The following TAAR1 variants were observed in gnomAD, a reference collection of about 807,000 sequenced individuals.
TAAR1 encodes trace amine-associated receptor 1.
In TAAR1, 1 loss-of-function variant was observed where a neutral mutation model predicts 1.2. That is an observed-to-expected ratio of 0.81 (90% CI 0.29 to 3.86). The LOEUF is 3.86. Ranked by LOEUF, TAAR1 falls within the 30% of genes most tolerant of loss-of-function variation. TAAR1 has a pLI of 0.18. For synonymous variants in TAAR1, 153 were observed against 132.2 expected (o/e 1.16, Z -1.08); for missense variants, 445 against 405.6 (o/e 1.10, Z -0.83).
At chr6:132,658,220 G>A (rs1164434964) in intron 1 of TAAR1, among the ~76,000 whole-genome samples, 1 of 152,018 alleles carries the variant, frequency 6.6e-6, no homozygotes, top group African/African-American at 2.4e-5. Flanking sequence ...AAGAGACCAG[G>A]GTGAGGGGAA....
chr6:132,650,724 T>A (rs1183246732), intron 1 of TAAR1, among the ~76,000 whole-genome samples: 1 of 152,162 alleles, frequency 6.6e-6, no homozygotes, highest in Non-Finnish European at 1.5e-5. Context: ...ATGGACTCTC[T>A]CCCATCACAG....
At chr6:132,654,830 A>G (rs1777785826) in intron 1 of TAAR1, among the ~76,000 whole-genome samples, 1 of 152,208 alleles carries the variant, frequency 6.6e-6, no homozygotes, top group Non-Finnish European at 1.5e-5. Context: ...TTAAGCATCG[A>G]ATTCACTTTA....
chr6:132,648,646 T>G (rs1473972721), intron 1 of TAAR1, among the ~76,000 whole-genome samples: 2 of 152,218 alleles, frequency 1.3e-5, no homozygotes, highest in African/African-American at 4.8e-5. Flanking sequence ...TTAAACATCA[T>G]TGTATGAGTG....
At position 132,644,921 on chromosome 6, in the gene TAAR1, C is replaced by T. The variant is rs1216189964; in HGVS notation, c.*63G>A. The stretch of plus-strand genomic sequence containing the variant: ...ATCCATGTGGTTGGTGCATGTGGTT[C>T]GTTATGTTGTGTTCATAAATATGAT... On this transcript the variant is annotated 3_prime_UTR_variant, in exon 2 of 2. Transcript: ENST00000275216. 3 of 1,339,354 alleles carry T rather than the reference C, an allele frequency of 2.2e-6. No individual in the cohort carries two copies. The highest frequency in any genetic ancestry group is 1.6e-5 in the South Asian group (1 of 62,082). The allele number at this position is 1,339,354 out of a possible 1,614,324, so 83.0% of individuals were successfully genotyped here. A position where few individuals can be genotyped will look rare whatever the true frequency, so the allele number is the denominator to read the frequency against.
intron 1 of TAAR1, among the ~76,000 whole-genome samples, chr6:132,654,374 A>G (rs998101191): frequency 3.9e-5 from 6 of 152,178 alleles, no homozygotes; most frequent in Non-Finnish European, 7.3e-5. Flanking sequence ...GTTCTTATTT[A>G]ATTTAAGACA....
At position 132,645,097 on chromosome 6, in the gene TAAR1, C is replaced by A; in HGVS notation, c.907G>T (p.Val303Phe). Reference protein sequence around the residue: ...GYLNSTFNPMVYAFFYPWFRK... With the variant: ...GYLNSTFNPMFYAFFYPWFRK... The stretch of plus-strand genomic sequence containing the variant: ...AACCAAGGATAGAAAAATGCATAAA[C>A]CATTGGATTAAATGTAGAGTTCAAG... The change falls in exon 2 of 2, where the codon GTT becomes TTT. Residue 303 changes from valine (V) to phenylalanine (F), a missense_variant. Physicochemically the swap from Val to Phe is conservative, Grantham distance 50. Transcript: ENST00000275216. The A allele has an allele frequency of 6.2e-6, 10 of 1,612,616 alleles. No homozygotes were observed. Among genetic ancestry groups the A allele is most frequent in the Non-Finnish European group, 8.5e-6 (10 of 1,179,460 alleles).
At chr6:132,650,574 C>A (rs1188760855) in intron 1 of TAAR1, among the ~76,000 whole-genome samples, 1 of 152,176 alleles carries the variant, frequency 6.6e-6, no homozygotes, top group African/African-American at 2.4e-5. Flanking sequence ...TTATTCACAT[C>A]CTTACTCTCA....
intron 1 of TAAR1, among the ~76,000 whole-genome samples, chr6:132,657,167 G>A (rs1777812899): frequency 6.6e-6 from 1 of 152,066 alleles, no homozygotes; most frequent in Non-Finnish European, 1.5e-5. Flanking sequence ...ATAACACCTA[G>A]TTGTTATCAG....
chr6:132,656,690 T>A (rs1004082047), intron 1 of TAAR1, among the ~76,000 whole-genome samples: 2 of 152,156 alleles, frequency 1.3e-5, no homozygotes, highest in Non-Finnish European at 1.5e-5. Flanking sequence ...AAAGATTGTA[T>A]AAGCACCCAA....
Position 132,645,909 on chromosome 6 carries a change from A to G in TAAR1, c.95T>C (p.Leu32Pro). 6.2e-7 allele frequency: 1 copy of G among 1,613,846 alleles called. No individual in the cohort carries two copies. Among genetic ancestry groups the G allele is most frequent in the African/African-American group, 1.3e-5 (1 of 75,014 alleles). The change falls in exon 2 of 2, where the codon CTC (leucine) becomes CCC (proline). Residue 32 changes from leucine to proline, a missense_variant. Coordinates refer to ENST00000275216, the MANE Select transcript of TAAR1 (RefSeq NM_138327.4). ...VRASLYSLMV[L>P]IILTTLVGNL... ...GCCAACGAGTGTGGTCAGAATTATG[A>G]GCACCATTAAACTGTACAGGGAAGC...
intron 1 of TAAR1, among the ~76,000 whole-genome samples, chr6:132,654,994 C>T (rs1359634247): frequency 6.6e-6 from 1 of 152,190 alleles, no homozygotes; most frequent in African/African-American, 2.4e-5. Flanking sequence ...TTCCTCCTGA[C>T]ATCCTCTGAC....
Position 132,656,689 on chromosome 6 carries a change from A to C in TAAR1, c.-127+2441T>G, listed in dbSNP as rs563029388. ...TCTGAGTATCAAGGAAAAAGATTGT[A>C]TAAGCACCCAAATAGAAAGAACTGG... On this transcript the variant is annotated intron_variant, in intron 1 of 1. Coordinates refer to ENST00000275216, the MANE Select transcript of TAAR1 (RefSeq NM_138327.4). Among the ~76,000 whole-genome samples, 67 of 152,340 alleles carry C rather than the reference A, an allele frequency of 4.4e-4. 1 individual carries two copies. The Middle Eastern group carries it at 0.01, about 23-fold the overall frequency.
intron 1 of TAAR1, among the ~76,000 whole-genome samples, chr6:132,655,561 G>A (rs1350817742): frequency 2.0e-5 from 3 of 151,928 alleles, no homozygotes; most frequent in African/African-American, 7.3e-5. Context: ...TGCCCAGACT[G>A]GTCTTGAATG....
rs375704679 is a variant in TAAR1 at position 132,645,484 on chromosome 6, T to C, written c.520A>G (p.Lys174Glu). ...NFKGAEEIYY[K>E]HVHCRGGCSV... is the part of the protein sequence containing the mutation. Reference sequence around the variant, plus strand: ...CAACCTCCTCTGCAGTGAACATGTTTGTAATATATCTCTTCAGCGCCTTTG... The same window carrying C: ...CAACCTCCTCTGCAGTGAACATGTTCGTAATATATCTCTTCAGCGCCTTTG... Residue 174 changes from lysine (K) to glutamate (E), a missense_variant, in exon 2 of 2, where the codon AAA becomes GAA. Coordinates refer to ENST00000275216, the MANE Select transcript of TAAR1 (RefSeq NM_138327.4). The C allele has an allele frequency of 1.2e-6, 2 of 1,613,672 alleles. No homozygotes were observed. The highest frequency in any genetic ancestry group is 8.5e-7 in the Non-Finnish European group (1 of 1,179,834).
At chr6:132,655,590 C>T (rs1777797400) in intron 1 of TAAR1, among the ~76,000 whole-genome samples, 1 of 152,100 alleles carries the variant, frequency 6.6e-6, no homozygotes, top group Admixed American at 6.5e-5. Flanking sequence ...TCCAAGCAAT[C>T]CTCCTGGCTT....
Position 132,645,400 on chromosome 6 carries a change from G to C in TAAR1, c.604C>G (p.Pro202Ala). Residue 202 changes from proline (P) to alanine (A), a missense_variant, in exon 2 of 2, where the codon CCT becomes GCT. By Grantham distance (27) the Pro-to-Ala change is conservative (BLOSUM62 -1). Transcript: ENST00000275216. ...TAGACACATAACATAATAGATCCAG[G>C]TATATAAAAAGAAGTCATAAAGGTC... Reference protein sequence around the residue: ...VLTFMTSFYIPGSIMLCVYYR... With the variant: ...VLTFMTSFYIAGSIMLCVYYR... 1 of 1,613,534 alleles carries C rather than the reference G, an allele frequency of 6.2e-7. No individual in the cohort carries two copies. Among genetic ancestry groups the C allele is most frequent in the Non-Finnish European group, 8.5e-7 (1 of 1,179,768 alleles).
intron 1 of TAAR1, among the ~76,000 whole-genome samples, chr6:132,656,644 T>C (rs1215112249): frequency 6.6e-6 from 1 of 152,204 alleles, no homozygotes; most frequent in African/African-American, 2.4e-5. Flanking sequence ...CATGCACATA[T>C]ACTTAGCCTG....
In TAAR1 at chr6:132,645,035, A is replaced by T; in HGVS notation, c.969T>A (p.Ile323=). The T allele has an allele frequency of 6.3e-7, 1 of 1,585,024 alleles. No individual in the cohort carries two copies. The highest frequency in any genetic ancestry group is 8.5e-7 in the Non-Finnish European group (1 of 1,172,226). ...TACACCTGGATGAATCTTTTTGGAA[A>T]ATTTTACCAAACAGCATCATCTTCA... ...KALKMMLFGK[I]FQKDSSRCKL... is the part of the protein sequence containing the mutation. Residue 323 remains isoleucine, a synonymous_variant, in exon 2 of 2, where the codon ATT becomes ATA. Coordinates refer to ENST00000275216, the MANE Select transcript of TAAR1 (RefSeq NM_138327.4).
chr6:132,649,377 G>T (rs73775165), intron 1 of TAAR1, among the ~76,000 whole-genome samples: 2,944 of 151,986 alleles, frequency 0.019, 90 homozygotes, highest in African/African-American at 0.067. Context: ...ATATGATCTG[G>T]AGAAAGAGTA....
Sources: allele counts gnomAD v4.1 joint callset (sites outside exome capture counted in the v4.1 genomes callset), GRCh38; gene constraint gnomAD v4.1.1; transcripts MANE v1.5; gene names NCBI Gene and HGNC (gene_info 2026-07-23, HGNC 2026-07-21).